RPS3: variants seen among roughly 807,000 people sequenced by gnomAD.
RPS3 encodes the protein ribosomal protein S3.
In RPS3, 2 loss-of-function variants were observed where a neutral mutation model predicts 25.8. The ratio of observed to expected loss-of-function variants is 0.08; its 90% CI spans 0.03 to 0.24. The LOEUF (loss-of-function observed/expected upper bound fraction) is 0.24. RPS3 is among the 10% of genes least tolerant of loss of function. The probability of loss-of-function intolerance (pLI) is 1.00; values close to 1 mark genes in which losing one functional copy is unlikely to be tolerated. For synonymous variants in RPS3, 114 were observed against 114.2 expected (o/e 1.00, Z 0.01); for missense variants, 107 against 307.1 (o/e 0.35, Z 4.87).
chr11:75,417,692 G>T (rs905615778), intron 6 of RPS3, among the ~76,000 whole-genome samples: 1 of 152,240 alleles, frequency 6.6e-6, no homozygotes, highest in Non-Finnish European at 1.5e-5. Flanking sequence ...CTTGAGCCTG[G>T]CAGGTAAGAA....
In RPS3 at chr11:75,404,640, A is replaced by T. The variant is rs1261740433; in HGVS notation, c.539-32A>T. 4 of 1,594,232 alleles carry T rather than the reference A, an allele frequency of 2.5e-6. No homozygotes were observed. The highest frequency in any genetic ancestry group is 1.7e-4 in the Middle Eastern group (1 of 5,990). ...GTGTGATGGGGGCCTTTGAGACCCC[A>T]GCTGTGTGCTAACAACTGTGGTGTC... On this transcript the variant is annotated intron_variant, in intron 5 of 6. Transcript: ENST00000531188. The surrounding 1 kb of genome is among the most constrained non-coding windows in gnomAD (Gnocchi z 4.6).
chr11:75,403,503 A>G (rs76715388), intron 4 of RPS3: 1,810 of 152,760 alleles, frequency 0.012, 33 homozygotes, highest in African/African-American at 0.039. Flanking sequence ...GGTAGGTCAT[A>G]TTTTAAAGTG....
In RPS3 at chr11:75,406,103, A is replaced by G. The variant is rs1204764921; in HGVS notation, c.*493A>G. ...GCACCACTGAAGGCACATAAGGCTC[A>G]GAAGTAAATTTGCCTAAGCAGTATA... On this transcript the variant is annotated 3_prime_UTR_variant, in exon 7 of 7. Coordinates refer to ENST00000531188, the MANE Select transcript of RPS3 (RefSeq NM_001005.5). 6.5e-6 allele frequency: 1 copy of G among 154,130 alleles called. No homozygotes were observed. Among genetic ancestry groups the G allele is most frequent in the Non-Finnish European group, 1.4e-5 (1 of 69,382 alleles). 9.5% of individuals were successfully genotyped at this position (154,130 alleles called of 1,614,324 possible). A position where few individuals can be genotyped will look rare whatever the true frequency, so the allele number is the denominator to read the frequency against.
At position 75,404,546 on chromosome 11, in the gene RPS3, A is replaced by T; in HGVS notation, c.539-126A>T. ...AAGTGTCCTATTTATTGATCGATTTAGAGGCATTTGTCTGAGAAGGGTCCA... is the reference window on the plus strand; with the variant it reads ...AAGTGTCCTATTTATTGATCGATTTTGAGGCATTTGTCTGAGAAGGGTCCA... On this transcript the variant is annotated intron_variant, in intron 5 of 6. Coordinates refer to ENST00000531188, the MANE Select transcript of RPS3 (RefSeq NM_001005.5). This position sits in a 1 kb window ranked among gnomAD's most constrained non-coding sequence, Gnocchi z 4.6. 1 of 908,490 alleles carries T rather than the reference A, an allele frequency of 1.1e-6. No homozygotes were observed. The highest frequency in any genetic ancestry group is 1.9e-6 in the Non-Finnish European group (1 of 536,220). The allele number at this position is 908,490 out of a possible 1,614,324, so 56.3% of individuals were successfully genotyped here.
chr11:75,404,068 C>G lies in RPS3; in HGVS notation c.399C>G (p.Gly133=). 1.2e-6 allele frequency: 2 copies of G among 1,613,422 alleles called. No homozygotes were observed. The part of the protein sequence containing the change: ...LRFIMESGAK[G]CEVVVSGKLR... ...TCATCATGGAGAGTGGGGCCAAAGG[C>G]TGCGAGGTTGTGGTGTCTGGGAAAC... Residue 133 remains glycine, a synonymous_variant, in exon 5 of 7, where the codon GGC becomes GGG. Transcript: ENST00000531188. The surrounding 1 kb of genome is among the most constrained non-coding windows in gnomAD (Gnocchi z 4.6).
At chr11:75,410,138 C>T (rs1295582834), downstream of RPS3, among the ~76,000 whole-genome samples, 14 of 148,468 alleles carry the variant, frequency 9.4e-5, no homozygotes, top group South Asian at 6.3e-4. Flanking sequence ...ACCTCCCTCC[C>T]GGACGGGGCG....
chr11:75,407,318 A>C (rs1034526473), downstream of RPS3, among the ~76,000 whole-genome samples: 1 of 150,016 alleles, frequency 6.7e-6, no homozygotes, highest in African/African-American at 2.5e-5. Flanking sequence ...TTGTATTTTT[A>C]GTAGAGACCG....
intron 6 of RPS3, among the ~76,000 whole-genome samples, chr11:75,421,210 G>A (rs377659927): frequency 3.9e-5 from 6 of 152,114 alleles, no homozygotes; most frequent in African/African-American, 1.2e-4. Context: ...GCTGGGACCC[G>A]GGCCTTTACT....
chr11:75,400,537 G>C (rs777219136), intron 1 of RPS3, 157 bp from the exon 2 acceptor site: 2 of 1,017,862 alleles, frequency 2.0e-6, no homozygotes, highest in African/African-American at 3.2e-5. Flanking sequence ...TGTCTGAGAA[G>C]GGTTGCTGCA....
chr11:75,419,268 C>T (rs1349027174), intron 6 of RPS3, among the ~76,000 whole-genome samples: 1 of 152,126 alleles, frequency 6.6e-6, no homozygotes, highest in Non-Finnish European at 1.5e-5. Flanking sequence ...AAATATGTTA[C>T]TCTGGCTGGG....
At chr11:75,420,739 T>C (rs1342530591) in intron 6 of RPS3, among the ~76,000 whole-genome samples, 1 of 151,946 alleles carries the variant, frequency 6.6e-6, no homozygotes, top group Non-Finnish European at 1.5e-5. Context: ...CCTATGGGTG[T>C]GTCAGGGGAG....
chr11:75,400,497 G>A (rs1240038033), intron 1 of RPS3, 197 bp from the exon 2 acceptor site: 2 of 768,040 alleles, frequency 2.6e-6, no homozygotes, highest in African/African-American at 3.4e-5. Flanking sequence ...CCTGGTTGAA[G>A]TAATTTCCTA....
chr11:75,420,945 C>T lies in RPS3; in HGVS notation c.*4-782C>T, dbSNP rs188773348. On this transcript the variant is annotated intron_variant, in intron 6 of 6. Transcript: ENST00000527446. Reference sequence around the variant, plus strand: ...AGTCAGCATGGGGTAAATGGGGCGCCCTGCCTGGCATGTGGGAAGGGTCCA... The same window carrying T: ...AGTCAGCATGGGGTAAATGGGGCGCTCTGCCTGGCATGTGGGAAGGGTCCA... Among the ~76,000 whole-genome samples the T allele has an allele frequency of 2.7e-3, 409 of 152,200 alleles. 3 individuals are homozygous for T. The highest frequency in any genetic ancestry group is 9.5e-3 in the African/African-American group (394 of 41,522).
intron 1 of RPS3, chr11:75,400,011 T>G: frequency 3.7e-6 from 1 of 273,340 alleles, no homozygotes; most frequent in Non-Finnish European, 7.1e-6. Context: ...TTGCTGACGG[T>G]TGCTTGCTCC....
downstream of RPS3, among the ~76,000 whole-genome samples, chr11:75,410,575 C>T (rs1438794674): frequency 6.6e-6 from 1 of 152,042 alleles, no homozygotes; most frequent in African/African-American, 2.4e-5. Flanking sequence ...CTCCTCACTT[C>T]CCAGACGGGG....
downstream of RPS3, among the ~76,000 whole-genome samples, chr11:75,411,867 G>C (rs1187393478): frequency 6.6e-6 from 1 of 152,222 alleles, no homozygotes; most frequent in African/African-American, 2.4e-5. Flanking sequence ...ATTCTTAAAG[G>C]CCTTGTGGCT....
Position 75,402,633 on chromosome 11 carries a change from A to G in RPS3, c.350+187A>G, listed in dbSNP as rs1592022347. ...CTAACAAGACTACTAAAGCAGCAAG[A>G]ACTGTAAAGGGTGGTCAGTCCTGTA... On this transcript the variant is annotated intron_variant, in intron 4 of 6. Transcript: ENST00000531188. The G allele has an allele frequency of 1.8e-5, 10 of 542,860 alleles. No homozygotes were observed. In the South Asian group the frequency reaches 2.3e-4, roughly 13 times the overall value. 33.6% of individuals were successfully genotyped at this position (542,860 alleles called of 1,614,324 possible). A position where few individuals can be genotyped will look rare whatever the true frequency, so the allele number is the denominator to read the frequency against.
At chr11:75,414,979 T>A (rs557341357) in intron 6 of RPS3, among the ~76,000 whole-genome samples, 124 of 152,334 alleles carry the variant, frequency 8.1e-4, no homozygotes, top group African/African-American at 2.9e-3. Context: ...TACCTGCATC[T>A]GTGACCTCAC....
At chr11:75,400,524 A>C (rs758395455) in intron 1 of RPS3, 170 bp from the exon 2 acceptor site, 9 of 928,458 alleles carry the variant, frequency 9.7e-6, no homozygotes, top group Non-Finnish European at 1.5e-5. Context: ...ACTTAGAGGC[A>C]TTTGTCTGAG....
Sources: gnomAD v4.1 joint callset for allele counts (sites outside exome capture counted in the v4.1 genomes callset) on GRCh38, gnomAD v4.1.1 for gene constraint, Gnocchi (gnomAD v3.1) non-coding constraint, MANE v1.5 for transcripts, NCBI Gene and HGNC (gene_info 2026-07-23, HGNC 2026-07-21) for gene names.